Variants in PCDHGB6 observed in about 807,000 individuals in gnomAD.
The protein encoded by PCDHGB6 is protocadherin gamma-B6.
PCDHGB6 carries 51 observed loss-of-function variants against 59.1 expected under a neutral mutation model. The observed-to-expected ratio is 0.86, with a 90% CI of 0.69 to 1.09. The LOEUF (loss-of-function observed/expected upper bound fraction) is 1.09. PCDHGB6 is among the 50% of genes least tolerant of loss of function. The pLI, the probability that PCDHGB6 is intolerant of heterozygous loss-of-function variation, is 0.00. For missense variants in PCDHGB6, 1,148 were observed against 1,205.1 expected (o/e 0.95, Z 0.70); for synonymous variants, 466 against 495.1 (o/e 0.94, Z 0.78).
Position 141,510,964 on chromosome 5 carries a change from T to C in PCDHGB6, c.2584T>C (p.Ser862Pro), listed in dbSNP as rs1237904575. 6.2e-7 allele frequency: 1 copy of C among 1,614,084 alleles called. No individual in the cohort carries two copies. Among genetic ancestry groups the C allele is most frequent in the South Asian group, 1.1e-5 (1 of 91,082 alleles). The change falls in exon 4 of 4, where the codon TCC becomes CCC. Residue 862 changes from serine to proline, a missense_variant. Coordinates refer to ENST00000520790, the MANE Select transcript of PCDHGB6 (RefSeq NM_018926.3). ...CTCTGCAGAAGCTGCTGATGGGAGC[T>C]CCACCCTGGGAGGGGGTGCCGGCAC... is the stretch of plus-strand genomic sequence containing the variant. The part of the protein sequence containing the change: ...ASASEAADGS[S>P]TLGGGAGTMG...
At position 141,489,380 on chromosome 5, in the gene PCDHGB6, A is replaced by G. The variant is rs753226956; in HGVS notation, c.2419-5427A>G. ...TCTGAGCCGGGGACGCTGGTGGGGA[A>G]TGTTGCTCAGGATCTGGGCTTAAAG... is the stretch of plus-strand genomic sequence containing the variant. On this transcript the variant is annotated intron_variant, in intron 1 of 3. Transcript: ENST00000520790. The surrounding 1 kb of genome is among the most constrained non-coding windows in gnomAD (Gnocchi z 4.5). The G allele has an allele frequency of 1.9e-6, 3 of 1,613,874 alleles. No individual in the cohort carries two copies. Among genetic ancestry groups the G allele is most frequent in the Admixed American group, 1.7e-5 (1 of 60,026 alleles).
Position 141,409,458 on chromosome 5 carries a change from A to G in PCDHGB6, c.1256A>G (p.Asn419Ser), listed in dbSNP as rs1435071611. Residue 419 changes from asparagine to serine, a missense_variant, in exon 1 of 4, where the codon AAT becomes AGT. Physicochemically the swap from Asn to Ser is conservative, Grantham distance 46. Coordinates refer to ENST00000520790, the MANE Select transcript of PCDHGB6 (RefSeq NM_018926.3). ...ALDREQTPEY[N>S]VTIVATDRGK... ...GACCGAGAGCAGACACCAGAATACA[A>G]TGTCACCATCGTAGCCACTGACAGG... 4.3e-6 allele frequency: 7 copies of G among 1,613,820 alleles called. No homozygotes were observed. Among genetic ancestry groups the G allele is most frequent in the East Asian group, 2.2e-5 (1 of 44,888 alleles).
chr5:141,511,115 A>G lies in PCDHGB6; in HGVS notation c.2735A>G (p.Lys912Arg). 6.2e-7 allele frequency: 1 copy of G among 1,614,214 alleles called. No individual in the cohort carries two copies. Among genetic ancestry groups the G allele is most frequent in the Non-Finnish European group, 8.5e-7 (1 of 1,180,006 alleles). ...AACGCAGCTGGCAAGCGGGATGGCA[A>G]GGCCCCAGCAGGTGGCAATGGCAAC... Reference protein sequence around the residue: ...LTNAAGKRDGKAPAGGNGNKK... With the variant: ...LTNAAGKRDGRAPAGGNGNKK... Residue 912 changes from lysine (K) to arginine (R), a missense_variant, in exon 4 of 4, where the codon AAG becomes AGG. Coordinates refer to ENST00000520790, the MANE Select transcript of PCDHGB6 (RefSeq NM_018926.3).
chr5:141,491,795 C>G lies in PCDHGB6; in HGVS notation c.2419-3012C>G. The G allele has an allele frequency of 6.6e-7, 1 of 1,511,694 alleles. No individual in the cohort carries two copies. The highest frequency in any genetic ancestry group is 8.8e-7 in the Non-Finnish European group (1 of 1,130,430). The allele number at this position is 1,511,694 out of a possible 1,614,324, so 93.6% of individuals were successfully genotyped here. On this transcript the variant is annotated intron_variant, in intron 1 of 3. Transcript: ENST00000520790. The surrounding 1 kb of genome is among the most constrained non-coding windows in gnomAD (Gnocchi z 6.9). ...GGATTGAACTTGCATCCACTCCTCT[C>G]CGGCCGGCTTGGTCGCTGGCTGCGC...
At chr5:141,423,318 G>T (rs1165459779) in intron 1 of PCDHGB6, 17 of 1,614,006 alleles carry the variant, frequency 1.1e-5, no homozygotes, top group South Asian at 8.8e-5. Context: ...TGGTGGTGGC[G>T]GTGGCCGCAG....
At chr5:141,413,806 A>G (rs775797735) in intron 1 of PCDHGB6, 1 of 1,613,168 alleles carries the variant, frequency 6.2e-7, no homozygotes, top group Non-Finnish European at 8.5e-7. Context: ...GGAAGAGGCC[A>G]TTCACCACCT....
chr5:141,490,589 A>G lies in PCDHGB6; in HGVS notation c.2419-4218A>G, dbSNP rs761250654. On this transcript the variant is annotated intron_variant, in intron 1 of 3. Transcript: ENST00000520790. The surrounding 1 kb of genome is among the most constrained non-coding windows in gnomAD (Gnocchi z 5.4). ...CTCAACATTTCAGATGTCAATGACA[A>G]TGCACCCCGCTTCAACCAGCAGCTT... The G allele has an allele frequency of 5.7e-5, 92 of 1,614,042 alleles. No individual in the cohort carries two copies. Among genetic ancestry groups the G allele is most frequent in the Non-Finnish European group, 7.6e-5 (90 of 1,180,036 alleles).
intron 2 of PCDHGB6, among the ~76,000 whole-genome samples, chr5:141,500,324 T>G (rs1165047676): frequency 6.6e-6 from 1 of 151,994 alleles, no homozygotes; most frequent in African/African-American, 2.4e-5. Flanking sequence ...TGCTCCTGCC[T>G]CAGCCTCCAG....
intron 1 of PCDHGB6, among the ~76,000 whole-genome samples, chr5:141,458,215 T>C (rs2098940075): frequency 1.3e-5 from 2 of 152,174 alleles, no homozygotes; most frequent in African/African-American, 2.4e-5. Context: ...TTAAAATAAG[T>C]TTCCTTTCCC....
rs2099403992 is a variant in PCDHGB6, at chr5:141,477,030, C to T, written c.2419-17777C>T. On this transcript the variant is annotated intron_variant, in intron 1 of 3. Transcript: ENST00000520790. This position sits in a 1 kb window ranked among gnomAD's most constrained non-coding sequence, Gnocchi z 4.9. ...TTAGACCTTGTAACCGGGATGCTGACAATCAAGGGTCGGCTGGACTTCGAG... is the reference window on the plus strand; with the variant it reads ...TTAGACCTTGTAACCGGGATGCTGATAATCAAGGGTCGGCTGGACTTCGAG... The T allele has an allele frequency of 1.2e-6, 2 of 1,614,272 alleles. No homozygotes were observed. The highest frequency in any genetic ancestry group is 1.6e-4 in the Middle Eastern group (1 of 6,062).
intron 1 of PCDHGB6, among the ~76,000 whole-genome samples, chr5:141,439,371 TA>T (rs1008614540): frequency 7.2e-5 from 11 of 152,034 alleles, no homozygotes; most frequent in Non-Finnish European, 1.0e-4. Flanking sequence ...CAAGAAGAAA[TA>T]AAAATAAGTC....
At chr5:141,468,965 T>C (rs2099187692) in intron 1 of PCDHGB6, among the ~76,000 whole-genome samples, 1 of 151,738 alleles carries the variant, frequency 6.6e-6, no homozygotes, top group Admixed American at 6.6e-5. Context: ...TTTTTTACCT[T>C]AGGCTTTTGA....
chr5:141,457,574 T>C (rs992522039), intron 1 of PCDHGB6, among the ~76,000 whole-genome samples: 2 of 152,238 alleles, frequency 1.3e-5, no homozygotes, highest in Non-Finnish European at 2.9e-5. Context: ...AAAATTTTTC[T>C]CTCCAGTCCT....
At chr5:141,423,694 T>A in intron 1 of PCDHGB6, 1 of 1,501,554 alleles carries the variant, frequency 6.7e-7, no homozygotes, top group Non-Finnish European at 8.9e-7. Context: ...TAATTGTTGG[T>A]GTCTTGGCAC....
At chr5:141,467,736 G>T (rs1435480730) in intron 1 of PCDHGB6, among the ~76,000 whole-genome samples, 1 of 151,902 alleles carries the variant, frequency 6.6e-6, no homozygotes, top group Admixed American at 6.6e-5. Context: ...ATCCCAGCTC[G>T]CTGCAACCTC....
chr5:141,415,455 G>A (rs571718366), intron 1 of PCDHGB6: 2 of 1,614,186 alleles, frequency 1.2e-6, no homozygotes, highest in African/African-American at 1.3e-5. Context: ...ATTCCCACGA[G>A]GTCTCTCTCA....
Position 141,409,634 on chromosome 5 carries a change from G to GGA in PCDHGB6, c.1432_1433insGA (p.Asp478GlyfsTer15), listed in dbSNP as rs766487639. 1.2e-6 allele frequency: 2 copies of GGA among 1,613,720 alleles called. No individual in the cohort carries two copies. Among genetic ancestry groups the GGA allele is most frequent in the African/African-American group, 2.7e-5 (2 of 74,954 alleles). ...CTCCATTGCGCAAGTGAGCGCCTCT[G>GGA]ACCCGGATTTGGGGCTCAATGGCCA... On this transcript the variant is annotated frameshift_variant, in exon 1 of 4. Coordinates refer to ENST00000520790, the MANE Select transcript of PCDHGB6 (RefSeq NM_018926.3). LOFTEE classifies it high-confidence loss of function.
rs1334965321 is a variant in PCDHGB6, at chr5:141,432,195, C to T, written c.2418+21575C>T. 3 of 1,614,088 alleles carry T rather than the reference C, an allele frequency of 1.9e-6. No homozygotes were observed. The Admixed American group carries it at 5.0e-5, about 27-fold the overall frequency. ...CTCGTCTCTGTGACCGCCCACGACC[C>T]CGACTGTGAAGAGAACGCCCAGATC... On this transcript the variant is annotated intron_variant, in intron 1 of 3. Transcript: ENST00000520790. This position sits in a 1 kb window ranked among gnomAD's most constrained non-coding sequence, Gnocchi z 6.0.
intron 1 of PCDHGB6, chr5:141,417,966 C>T: frequency 6.2e-7 from 1 of 1,613,776 alleles, no homozygotes; most frequent in Non-Finnish European, 8.5e-7. Flanking sequence ...ATCCGCTACT[C>T]GATTCCGGAG....
Sources: gnomAD v4.1 joint callset for allele counts (sites outside exome capture counted in the v4.1 genomes callset) on GRCh38, gnomAD v4.1.1 for gene constraint, Gnocchi (gnomAD v3.1) non-coding constraint, MANE v1.5 for transcripts, NCBI Gene and HGNC (gene_info 2026-07-23, HGNC 2026-07-21) for gene names.